AK5: variants seen among roughly 807,000 people sequenced by gnomAD.
The protein encoded by AK5 is adenylate kinase isoenzyme 5.
A neutral mutation model predicts 69.5 loss-of-function variants in AK5; 27 were observed. The observed-to-expected ratio is 0.39, with a 90% CI of 0.29 to 0.54. The LOEUF (loss-of-function observed/expected upper bound fraction) is 0.54. AK5 is among the 20% of genes least tolerant of loss of function. AK5 has a pLI of 0.71. For synonymous variants in AK5, 260 were observed against 244.4 expected (o/e 1.06, Z -0.60); for missense variants, 531 against 700.4 (o/e 0.76, Z 2.73).
chr1:77,293,668 C>T (rs1397090509), intron 2 of AK5, 125 bp from the exon 3 acceptor site: 3 of 804,652 alleles, frequency 3.7e-6, no homozygotes, highest in Admixed American at 6.7e-5. Flanking sequence ...CTTAGGGAGA[C>T]TTCTTCCAGT....
At chr1:77,403,115 T>C (rs1570509334) in intron 6 of AK5, among the ~76,000 whole-genome samples, 2 of 152,236 alleles carry the variant, frequency 1.3e-5, no homozygotes, top group East Asian at 3.8e-4. Flanking sequence ...TGTCTGTTCA[T>C]ATCCTTCGCC....
intron 8 of AK5, among the ~76,000 whole-genome samples, chr1:77,470,737 C>G (rs897190947): frequency 6.7e-6 from 1 of 148,406 alleles, no homozygotes; most frequent in Admixed American, 6.8e-5. Context: ...AATTTATAGG[C>G]AAAAAACACC....
chr1:77,443,707 G>GTA (rs1474573872), intron 8 of AK5, among the ~76,000 whole-genome samples: 1 of 151,370 alleles, frequency 6.6e-6, no homozygotes, highest in Admixed American at 6.6e-5. Flanking sequence ...GTGTGTGTGT[G>GTA]TGTGTGTGTG....
chr1:77,425,841 T>A (rs2100599999), intron 8 of AK5, among the ~76,000 whole-genome samples: 1 of 152,226 alleles, frequency 6.6e-6, no homozygotes, highest in Non-Finnish European at 1.5e-5. Flanking sequence ...AAGGAGGAAT[T>A]AGGAATGTTT....
intron 8 of AK5, among the ~76,000 whole-genome samples, chr1:77,441,438 G>A (rs901155385): frequency 6.6e-6 from 1 of 152,162 alleles, no homozygotes; most frequent in Non-Finnish European, 1.5e-5. Context: ...ACTTTCTAGA[G>A]TGGCTTTCAT....
At chr1:77,486,734 T>G (rs1399818428) in intron 10 of AK5, among the ~76,000 whole-genome samples, 1 of 152,076 alleles carries the variant, frequency 6.6e-6, no homozygotes, top group Non-Finnish European at 1.5e-5. Context: ...AAAGAGACTA[T>G]TTATTTCTCA....
chr1:77,293,300 T>C (rs2100653463), intron 2 of AK5, among the ~76,000 whole-genome samples: 1 of 152,254 alleles, frequency 6.6e-6, no homozygotes, highest in Non-Finnish European at 1.5e-5. Flanking sequence ...AAATACACAA[T>C]ATATAAGCAT....
At chr1:77,556,841 G>T (rs199859982) in intron 13 of AK5, among the ~76,000 whole-genome samples, 2 of 152,052 alleles carry the variant, frequency 1.3e-5, no homozygotes, top group East Asian at 1.9e-4. Context: ...TGGAGAATTT[G>T]TTAAATATAC....
chr1:77,324,486 G>A (rs916103859), intron 5 of AK5, among the ~76,000 whole-genome samples: 1 of 152,146 alleles, frequency 6.6e-6, no homozygotes, highest in Admixed American at 6.5e-5. Context: ...TGCAACGACT[G>A]CCTAACCCAG....
At chr1:77,305,193 G>A (rs1276095992) in intron 5 of AK5, among the ~76,000 whole-genome samples, 1 of 151,922 alleles carries the variant, frequency 6.6e-6, no homozygotes, top group Non-Finnish European at 1.5e-5. Context: ...TTTTTCTGTA[G>A]AGTTGTTTGC....
intron 10 of AK5, among the ~76,000 whole-genome samples, chr1:77,506,216 TTTGGTTGG>T (rs60715102): frequency 0.2 from 29,996 of 148,956 alleles, 3,191 homozygotes; most frequent in Non-Finnish European, 0.22. Context: ...AGGATCGGTG[TTTGGTTGG>T]TTGGTTGGTT....
chr1:77,313,619 G>T (rs1240460909), intron 5 of AK5, among the ~76,000 whole-genome samples: 1 of 151,826 alleles, frequency 6.6e-6, no homozygotes, highest in African/African-American at 2.4e-5. Context: ...CACCAACCTG[G>T]TCCTTATAAG....
chr1:77,478,474 A>G (rs1018669261), intron 8 of AK5, among the ~76,000 whole-genome samples: 1 of 152,192 alleles, frequency 6.6e-6, no homozygotes, highest in African/African-American at 2.4e-5. Context: ...TGCCATCCAC[A>G]TAAGATGTGA....
chr1:77,492,031 C>T (rs1481249131), intron 10 of AK5, among the ~76,000 whole-genome samples: 1 of 152,084 alleles, frequency 6.6e-6, no homozygotes, highest in Non-Finnish European at 1.5e-5. Flanking sequence ...AACCACAGTT[C>T]GTTTGTTAGA....
intron 5 of AK5, among the ~76,000 whole-genome samples, chr1:77,311,681 C>A (rs559310074): frequency 6.6e-6 from 1 of 152,014 alleles, no homozygotes; most frequent in South Asian, 2.1e-4. Flanking sequence ...CTTTTTCCCC[C>A]TGATACTGAA....
chr1:77,368,830 C>T (rs755026357), intron 6 of AK5, among the ~76,000 whole-genome samples: 2 of 151,790 alleles, frequency 1.3e-5, no homozygotes, highest in Admixed American at 6.6e-5. Flanking sequence ...GATGTTCAAC[C>T]GGAATATATA....
chr1:77,289,045 C>T (rs1483206408), intron 2 of AK5, among the ~76,000 whole-genome samples: 2 of 152,180 alleles, frequency 1.3e-5, no homozygotes, highest in East Asian at 3.8e-4. Context: ...AGATTTTTCT[C>T]TTACCATACA....
intron 8 of AK5, among the ~76,000 whole-genome samples, chr1:77,447,034 T>C (rs17100570): frequency 0.042 from 6,423 of 152,242 alleles, 211 homozygotes; most frequent in South Asian, 0.14. Flanking sequence ...GGTGGTCTAC[T>C]GCAAAAATAA....
chr1:77,328,847 C>T (rs896745636), intron 5 of AK5, among the ~76,000 whole-genome samples: 6 of 152,092 alleles, frequency 3.9e-5, no homozygotes, highest in Non-Finnish European at 8.8e-5. Flanking sequence ...TATAACAATA[C>T]CACAGCCTGG....
Sources: gnomAD v4.1 joint callset for allele counts (sites outside exome capture counted in the v4.1 genomes callset) on GRCh38, gnomAD v4.1.1 for gene constraint, MANE v1.5 for transcripts, NCBI Gene and HGNC (gene_info 2026-07-23, HGNC 2026-07-21) for gene names.